DAD1: variants seen among roughly 807,000 people sequenced by gnomAD.
DAD1 encodes dolichyl-diphosphooligosaccharide--protein glycosyltransferase subunit DAD1.
In DAD1, 4 loss-of-function variants were observed where a neutral mutation model predicts 9.0. The observed-to-expected ratio is 0.44, with a 90% CI of 0.22 to 1.01. DAD1 has a LOEUF of 1.01. Among genes scored for constraint, DAD1 ranks in the 50% least tolerant of loss-of-function variants. The pLI, the probability that DAD1 is intolerant of heterozygous loss-of-function variation, is 0.24. For missense variants in DAD1, 119 were observed against 137.3 expected (o/e 0.87, Z 0.67); for synonymous variants, 60 against 62.5 (o/e 0.96, Z 0.19).
Position 22,576,922 on chromosome 14 carries a change from A to G in DAD1, c.212-1689T>C, listed in dbSNP as rs1301540362. Among the ~76,000 whole-genome samples the G allele has an allele frequency of 2.0e-5, 3 of 152,198 alleles. No individual in the cohort carries two copies. In the South Asian group the frequency reaches 6.2e-4, roughly 32 times the overall value. On this transcript the variant is annotated intron_variant, in intron 1 of 2. Coordinates refer to ENST00000250498, the MANE Select transcript of DAD1 (RefSeq NM_001344.4). ...CAATACAAATCAAAATTACAACGAG[A>G]TATCACCTCACATCTATTAGGATGT...
chr14:22,578,698 G>C (rs1310445155), intron 1 of DAD1, among the ~76,000 whole-genome samples: 1 of 152,184 alleles, frequency 6.6e-6, no homozygotes, highest in Non-Finnish European at 1.5e-5. Context: ...GATGCAAGGA[G>C]GCATCTATGG....
At chr14:22,567,555 G>A (rs1049911357) in intron 2 of DAD1, among the ~76,000 whole-genome samples, 6 of 152,232 alleles carry the variant, frequency 3.9e-5, no homozygotes, top group African/African-American at 9.6e-5. Flanking sequence ...ACCTGATAGT[G>A]TTGACAAATC....
At chr14:22,573,037 A>G (rs981794128) in intron 2 of DAD1, among the ~76,000 whole-genome samples, 1 of 152,216 alleles carries the variant, frequency 6.6e-6, no homozygotes, top group Admixed American at 6.5e-5. Flanking sequence ...CCCAGATGGT[A>G]CAGCTGCTCT....
intron 1 of DAD1, among the ~76,000 whole-genome samples, chr14:22,583,507 T>C (rs1468826203): frequency 2.6e-5 from 4 of 152,136 alleles, no homozygotes; most frequent in Admixed American, 1.3e-4. Flanking sequence ...GGTTAAGGAA[T>C]GAATAGTTAA....
chr14:22,571,022 T>A (rs377396983), intron 2 of DAD1, among the ~76,000 whole-genome samples: 3 of 110,900 alleles, frequency 2.7e-5, no homozygotes, highest in African/African-American at 4.7e-5. Flanking sequence ...TTTTTTTTTT[T>A]TTTAAAAAAG....
At chr14:22,576,427 C>A (rs1301837849) in intron 1 of DAD1, among the ~76,000 whole-genome samples, 1 of 152,142 alleles carries the variant, frequency 6.6e-6, no homozygotes, top group Non-Finnish European at 1.5e-5. Context: ...TGAAGCTGGA[C>A]CCTTACCTTA....
At chr14:22,571,430 A>G (rs190003901) in intron 2 of DAD1, among the ~76,000 whole-genome samples, 10 of 152,144 alleles carry the variant, frequency 6.6e-5, no homozygotes, top group Admixed American at 5.9e-4. Flanking sequence ...TCATGGATTC[A>G]TTCAAAAATA....
intron 2 of DAD1, among the ~76,000 whole-genome samples, chr14:22,570,278 G>A (rs1431826285): frequency 1.3e-5 from 2 of 152,090 alleles, no homozygotes; most frequent in South Asian, 4.1e-4. Flanking sequence ...GAAATCAAAC[G>A]GGAAACCTGC....
At chr14:22,585,663 G>A (rs939327562) in intron 1 of DAD1, among the ~76,000 whole-genome samples, 2 of 152,178 alleles carry the variant, frequency 1.3e-5, no homozygotes, top group Admixed American at 6.5e-5. Flanking sequence ...AGCTATGAGG[G>A]AATAGAAGAA....
rs2037007295 is a variant in DAD1, at chr14:22,567,227, GA to G, written c.*45-2091del. On this transcript the variant is annotated intron_variant, in intron 2 of 2. Transcript: ENST00000250498. ...AAAATGACGCTGTAGAGATAGAAAA[GA>G]TAATGCCAGCCAGGGTCATTTCTAT... is the stretch of plus-strand genomic sequence containing the variant. 4 of 152,306 alleles carry G rather than the reference GA, an allele frequency of 2.6e-5. No individual in the cohort carries two copies. The South Asian group carries it at 8.3e-4, about 32-fold the overall frequency. The allele number at this position is 152,306 out of a possible 1,614,324, so 9.4% of individuals were successfully genotyped here.
chr14:22,571,443 C>A (rs2037039307), intron 2 of DAD1, among the ~76,000 whole-genome samples: 2 of 151,800 alleles, frequency 1.3e-5, no homozygotes, highest in African/African-American at 2.4e-5. Context: ...CAAAAATATG[C>A]CGCCACCTAC....
chr14:22,585,837 A>C (rs1290875771), intron 1 of DAD1, among the ~76,000 whole-genome samples: 3 of 152,212 alleles, frequency 2.0e-5, no homozygotes, highest in Admixed American at 2.0e-4. Flanking sequence ...AAAAAAATAG[A>C]GAAGATTAAA....
At chr14:22,571,168 A>G (rs1354982640) in intron 2 of DAD1, among the ~76,000 whole-genome samples, 1 of 151,954 alleles carries the variant, frequency 6.6e-6, no homozygotes, top group Non-Finnish European at 1.5e-5. Context: ...CTAAAAATAC[A>G]AAAACTAGCC....
intron 1 of DAD1, among the ~76,000 whole-genome samples, chr14:22,584,134 G>A (rs767140088): frequency 1.2e-4 from 18 of 152,078 alleles, no homozygotes; most frequent in Non-Finnish European, 2.6e-4. Flanking sequence ...AGCCACGTCT[G>A]TGTGCTTCAC....
chr14:22,585,339 C>T (rs923902422), intron 1 of DAD1, among the ~76,000 whole-genome samples: 1 of 152,206 alleles, frequency 6.6e-6, no homozygotes, highest in African/African-American at 2.4e-5. Flanking sequence ...ATGTTTTCTA[C>T]TTATCCCTCC....
intron 1 of DAD1, among the ~76,000 whole-genome samples, chr14:22,582,689 C>A (rs115874095): frequency 6.6e-6 from 1 of 151,998 alleles, no homozygotes; most frequent in African/African-American, 2.4e-5. Flanking sequence ...CAAGGGACCC[C>A]GGAAACTTAA....
intron 1 of DAD1, among the ~76,000 whole-genome samples, chr14:22,575,442 T>C (rs532979772): frequency 9.2e-5 from 14 of 152,302 alleles, no homozygotes; most frequent in African/African-American, 3.1e-4. Context: ...GGATAAATTA[T>C]AGCATATACA....
chr14:22,584,741 G>A (rs1189614876), intron 1 of DAD1, among the ~76,000 whole-genome samples: 5 of 152,164 alleles, frequency 3.3e-5, no homozygotes, highest in Admixed American at 3.3e-4. Context: ...TGCAGACAGC[G>A]AGGAAGCCAG....
intron 1 of DAD1, among the ~76,000 whole-genome samples, chr14:22,579,989 A>G (rs1221658659): frequency 1.3e-5 from 2 of 151,110 alleles, no homozygotes; most frequent in Non-Finnish European, 2.9e-5. Flanking sequence ...ACAGTCATGC[A>G]CCACCATGCC....
Sources: gnomAD v4.1 joint callset for allele counts (sites outside exome capture counted in the v4.1 genomes callset) on GRCh38, gnomAD v4.1.1 for gene constraint, MANE v1.5 for transcripts, NCBI Gene and HGNC (gene_info 2026-07-23, HGNC 2026-07-21) for gene names.